The following ZFHX2 variants were observed in gnomAD, a reference collection of about 807,000 sequenced individuals.
ZFHX2 encodes the protein zinc finger homeobox 2.
A neutral mutation model predicts 164.8 loss-of-function variants in ZFHX2; 75 were observed. The ratio of observed to expected loss-of-function variants is 0.46; its 90% CI spans 0.38 to 0.55. ZFHX2 has a LOEUF of 0.55. Among genes scored for constraint, ZFHX2 ranks in the 20% least tolerant of loss-of-function variants. The pLI is 0.00. For synonymous variants in ZFHX2, 1,217 were observed against 1,351.4 expected (o/e 0.90, Z 2.18); for missense variants, 2,933 against 3,308.0 (o/e 0.89, Z 2.78).
chr14:23,527,651 G>C lies in ZFHX2; in HGVS notation c.3088C>G (p.His1030Asp), dbSNP rs199839641. 7.7e-5 allele frequency: 118 copies of C among 1,536,362 alleles called. No homozygotes were observed. Among genetic ancestry groups the C allele is most frequent in the Non-Finnish European group, 9.3e-5 (107 of 1,146,972 alleles). Residue 1030 changes from histidine to aspartate, a missense_variant, in exon 7 of 10, where the codon CAC (histidine) becomes GAC (aspartate). Transcript: ENST00000419474. The stretch of plus-strand genomic sequence containing the variant: ...CACTCGGGCACCACGTTGTGAAGGT[G>C]GCTAAGGTGGAAGTGCAGGGCAGGC... ...GRPALHFHLSHLHNVVPECVE... is the reference protein window; with the variant it reads ...GRPALHFHLSDLHNVVPECVE...
intron 1 of ZFHX2, among the ~76,000 whole-genome samples, chr14:23,547,345 C>T (rs570106361): frequency 7.9e-5 from 12 of 152,284 alleles, no homozygotes; most frequent in South Asian, 4.1e-4. Context: ...TCCTTATTTG[C>T]GGCCATTGTA....
intron 4 of ZFHX2, 153 bp downstream of exon 4, chr14:23,531,328 T>A (rs999396442): frequency 1.7e-6 from 2 of 1,149,698 alleles, no homozygotes; most frequent in African/African-American, 3.2e-5. Flanking sequence ...ACGCTCATTC[T>A]GTCTTATCCC....
chr14:23,537,812 C>G (rs1880348129), intron 1 of ZFHX2, among the ~76,000 whole-genome samples: 1 of 152,162 alleles, frequency 6.6e-6, no homozygotes, highest in Non-Finnish European at 1.5e-5. Flanking sequence ...TTGTGAGGGT[C>G]TGTTATTCCA....
At chr14:23,532,319 C>T (rs1879670948) in intron 3 of ZFHX2, 1 of 424,502 alleles carries the variant, frequency 2.4e-6, no homozygotes, top group Non-Finnish European at 4.0e-6. Flanking sequence ...TACCACCCCT[C>T]CCTCCAGGGC....
chr14:23,554,038 CAAAAAAAAAAAAAAAA>C (rs61363455), upstream of ZFHX2, among the ~76,000 whole-genome samples: 1 of 36,040 alleles, frequency 2.8e-5, no homozygotes, highest in Non-Finnish European at 6.0e-5. Context: ...GACTCTGTCT[CAAAAAAAAAAAAAAAA>C]AAAAAAAAAA....
At chr14:23,555,581 C>G (rs1053146641), upstream of ZFHX2, 1 of 152,200 alleles carries the variant, frequency 6.6e-6, no homozygotes, top group Non-Finnish European at 1.5e-5. Flanking sequence ...GTTTCTCACC[C>G]ACTCTTACCC....
chr14:23,521,186 AG>A lies in ZFHX2; in HGVS notation c.*775del. The A allele has an allele frequency of 6.6e-6, 1 of 152,480 alleles. No homozygotes were observed. Among genetic ancestry groups the A allele is most frequent in the Admixed American group, 6.5e-5 (1 of 15,290 alleles). The allele number at this position is 152,480 out of a possible 1,614,324, so 9.4% of individuals were successfully genotyped here. Reference sequence around the variant, plus strand: ...CAGGGTGCAAGGTAGGGATTGGCAGAGGGGTTTCTGGTGGCGGCATCCCCTA... The same window carrying A: ...CAGGGTGCAAGGTAGGGATTGGCAGAGGGTTTCTGGTGGCGGCATCCCCTA... On this transcript the variant is annotated 3_prime_UTR_variant, in exon 10 of 10. Coordinates refer to ENST00000419474, the MANE Select transcript of ZFHX2 (RefSeq NM_033400.3).
chr14:23,535,517 T>G lies in ZFHX2; in HGVS notation c.-49-143A>C, dbSNP rs2138801261. The G allele has an allele frequency of 2.1e-6, 1 of 487,526 alleles. No homozygotes were observed. Among genetic ancestry groups the G allele is most frequent in the East Asian group, 3.3e-5 (1 of 30,488 alleles). 30.2% of individuals were successfully genotyped at this position (487,526 alleles called of 1,614,324 possible). A position where few individuals can be genotyped will look rare whatever the true frequency, so the allele number is the denominator to read the frequency against. On this transcript the variant is annotated intron_variant, in intron 1 of 9. Transcript: ENST00000419474. The surrounding 1 kb of genome is among the most constrained non-coding windows in gnomAD (Gnocchi z 4.5). ...TTTGCTAACCTGAAATTTCACTTAGTGTCTAACATGCTTCAAAACTTAATA... is the reference window on the plus strand; with the variant it reads ...TTTGCTAACCTGAAATTTCACTTAGGGTCTAACATGCTTCAAAACTTAATA...
Position 23,522,916 on chromosome 14 carries a change from G to A in ZFHX2, c.6765C>T (p.Leu2255=), listed in dbSNP as rs1037486348. The A allele has an allele frequency of 1.8e-5, 26 of 1,447,892 alleles. No homozygotes were observed. Among genetic ancestry groups the A allele is most frequent in the African/African-American group, 4.3e-5 (3 of 70,042 alleles). 89.7% of individuals were successfully genotyped at this position (1,447,892 alleles called of 1,614,324 possible). A position where few individuals can be genotyped will look rare whatever the true frequency, so the allele number is the denominator to read the frequency against. ...TAGGCAGGACCGAAGTGGCGAGGCCGAGGAGGCCTGAGGAGGCTGCCGGGC... is the reference window on the plus strand; with the variant it reads ...TAGGCAGGACCGAAGTGGCGAGGCCAAGGAGGCCTGAGGAGGCTGCCGGGC... ...NSGPAASSGL[L]GLATSVLPTT... Residue 2255 remains leucine, a synonymous_variant, in exon 10 of 10, where the codon CTC becomes CTT. Transcript: ENST00000419474.
rs1206889726 is a variant in ZFHX2, at chr14:23,533,082, G to A, written c.2044C>T (p.Pro682Ser). 2 of 1,523,180 alleles carry A rather than the reference G, an allele frequency of 1.3e-6. No individual in the cohort carries two copies. Among genetic ancestry groups the A allele is most frequent in the African/African-American group, 2.7e-5 (2 of 72,802 alleles). The allele number at this position is 1,523,180 out of a possible 1,614,324, so 94.4% of individuals were successfully genotyped here. The change falls in exon 3 of 10, where the codon CCT (proline) becomes TCT (serine). Residue 682 changes from proline to serine, a missense_variant and splice_region_variant. Physicochemically the swap from Pro to Ser is moderately conservative, Grantham distance 74. Transcript: ENST00000419474. This position sits in a 1 kb window ranked among gnomAD's most constrained non-coding sequence, Gnocchi z 4.8. ...TGGGCATCAGGGGATAGGCTTCCAG[G>A]GGCTAGAGGACAGAGACAGATTAGT... is the stretch of plus-strand genomic sequence containing the variant. Reference protein sequence around the residue: ...APARKFPTSAPGSLSPDAHLP... With the variant: ...APARKFPTSASGSLSPDAHLP...
In ZFHX2 at chr14:23,524,044, A is replaced by G. The variant is rs1004562738; in HGVS notation, c.5898T>C (p.Phe1966=). 10 of 1,513,844 alleles carry G rather than the reference A, an allele frequency of 6.6e-6. No homozygotes were observed. Among genetic ancestry groups the G allele is most frequent in the Non-Finnish European group, 8.8e-6 (10 of 1,135,376 alleles). 93.8% of individuals were successfully genotyped at this position (1,513,844 alleles called of 1,614,324 possible). Residue 1966 remains phenylalanine, a synonymous_variant, in exon 9 of 10, where the codon TTT becomes TTC. Transcript: ENST00000419474. This position sits in a 1 kb window ranked among gnomAD's most constrained non-coding sequence, Gnocchi z 5.6. ...AAGCAAGCGTGGCAGTGGGGTAGGG[A>G]AAAGCAGGTGCTTCCCTCTTTGGGG... ...REAPKREAPA[F]PYPTATLASG...
Position 23,533,508 on chromosome 14 carries a change from C to T in ZFHX2, c.1818G>A (p.Leu606=). 6.5e-7 allele frequency: 1 copy of T among 1,536,080 alleles called. No individual in the cohort carries two copies. The highest frequency in any genetic ancestry group is 8.7e-7 in the Non-Finnish European group (1 of 1,146,882). Reference sequence around the variant, plus strand: ...GCCCCATCAATCCAGGTGGCAGGCCCAGCGGCAGCCCCTGGTGCAGCATTA... The same window carrying T: ...GCCCCATCAATCCAGGTGGCAGGCCTAGCGGCAGCCCCTGGTGCAGCATTA... ...NVLMLHQGLP[L]GLPPGLMGPG... is the part of the protein sequence containing the mutation. The change falls in exon 2 of 10, where the codon CTG becomes CTA. Residue 606 remains leucine, a synonymous_variant. Transcript: ENST00000419474. This position sits in a 1 kb window ranked among gnomAD's most constrained non-coding sequence, Gnocchi z 4.8.
Position 23,523,522 on chromosome 14 carries a change from G to A in ZFHX2, c.6420C>T (p.Leu2140=), listed in dbSNP as rs752765869. Residue 2140 remains leucine, a synonymous_variant, in exon 9 of 10, where the codon CTC becomes CTT. Coordinates refer to ENST00000419474, the MANE Select transcript of ZFHX2 (RefSeq NM_033400.3). This position sits in a 1 kb window ranked among gnomAD's most constrained non-coding sequence, Gnocchi z 4.1. Reference sequence around the variant, plus strand: ...GGCAGTCAGTGCGCTGGGCTGCTAAGAGGCCCTCACTGCTGCCCCCAGTGC... The same window carrying A: ...GGCAGTCAGTGCGCTGGGCTGCTAAAAGGCCCTCACTGCTGCCCCCAGTGC... ...AGSTGGSSEG[L]LAAQRTDCPY... The A allele has an allele frequency of 8.7e-5, 134 of 1,536,458 alleles. No individual in the cohort carries two copies. Among genetic ancestry groups the A allele is most frequent in the Non-Finnish European group, 1.1e-4 (121 of 1,146,948 alleles).
At chr14:23,538,147 C>A (rs899828514) in intron 1 of ZFHX2, 1 of 152,220 alleles carries the variant, frequency 6.6e-6, no homozygotes, top group South Asian at 2.1e-4. Flanking sequence ...TAGCTAGAAA[C>A]CAAAGGAGCT....
intron 1 of ZFHX2, among the ~76,000 whole-genome samples, chr14:23,539,541 C>T (rs1880565493): frequency 6.6e-6 from 1 of 152,070 alleles, no homozygotes; most frequent in African/African-American, 2.4e-5. Flanking sequence ...GACTTAAGGA[C>T]CGGAGAATTA....
chr14:23,528,625 C>G (rs899031877), intron 6 of ZFHX2: 45 of 985,306 alleles, frequency 4.6e-5, no homozygotes, highest in Non-Finnish European at 5.1e-5. Flanking sequence ...GAAAGGGGCC[C>G]TACCTGTCTG....
upstream of ZFHX2, among the ~76,000 whole-genome samples, chr14:23,554,038 C>CAA (rs61363455): frequency 5.8e-4 from 21 of 36,052 alleles, no homozygotes; most frequent in Non-Finnish European, 9.0e-4. Flanking sequence ...GACTCTGTCT[C>CAA]AAAAAAAAAA....
At chr14:23,548,921 C>T (rs1881673272) in intron 1 of ZFHX2, among the ~76,000 whole-genome samples, 1 of 152,162 alleles carries the variant, frequency 6.6e-6, no homozygotes, top group African/African-American at 2.4e-5. Context: ...CATTTGTTTC[C>T]TTTGATACCT....
In ZFHX2 at chr14:23,522,431, T is replaced by C; in HGVS notation, c.7250A>G (p.Lys2417Arg). 6.5e-7 allele frequency: 1 copy of C among 1,536,356 alleles called. No homozygotes were observed. The highest frequency in any genetic ancestry group is 8.7e-7 in the Non-Finnish European group (1 of 1,146,884). ...CCCTGGAGCAGGCAGTTCAGGAGGC[T>C]TTGGAGGTGCTGTGGCTGTGGGCTC... ...PPEPTATAPP[K>R]PPELPAPGEG... Residue 2417 changes from lysine to arginine, a missense_variant, in exon 10 of 10, where the codon AAG becomes AGG. By Grantham distance (26) the Lys-to-Arg change is conservative. Transcript: ENST00000419474.
Sources: gnomAD v4.1 joint callset for allele counts (sites outside exome capture counted in the v4.1 genomes callset) on GRCh38, gnomAD v4.1.1 for gene constraint, Gnocchi (gnomAD v3.1) non-coding constraint, MANE v1.5 for transcripts, NCBI Gene and HGNC (gene_info 2026-07-23, HGNC 2026-07-21) for gene names.